The following UBE2H variants were observed in gnomAD, a reference collection of about 807,000 sequenced individuals.
UBE2H encodes ubiquitin conjugating enzyme E2 H.
Under a neutral mutation model 29.0 loss-of-function variants are expected in UBE2H, and 3 were observed. The observed-to-expected ratio is 0.10, with a 90% CI of 0.05 to 0.27. The LOEUF is 0.27. Ranked by LOEUF, UBE2H falls within the 10% of genes least tolerant of loss-of-function variation. The probability of loss-of-function intolerance (pLI) is 1.00; values close to 1 mark genes in which losing one functional copy is unlikely to be tolerated. For missense variants in UBE2H, 68 were observed against 228.2 expected, an observed-to-expected ratio of 0.30 and a Z score of 4.52; for synonymous variants, 69 against 82.9, an observed-to-expected ratio of 0.83 and a Z score of 0.91.
chr7:129,927,899 T>C (rs766149773), intron 1 of UBE2H, among the ~76,000 whole-genome samples: 1 of 151,886 alleles, frequency 6.6e-6, no homozygotes. Context: ...GTGACCATAA[T>C]TAACAATTTA....
At chr7:129,885,182 A>C (rs554428446) in intron 1 of UBE2H, among the ~76,000 whole-genome samples, 2 of 152,352 alleles carry the variant, frequency 1.3e-5, no homozygotes, top group Middle Eastern at 6.8e-3. Flanking sequence ...TTGGGTATCC[A>C]GAAGAAGTCA....
At chr7:129,868,825 C>T (rs1219704232) in intron 3 of UBE2H, among the ~76,000 whole-genome samples, 13 of 152,256 alleles carry the variant, frequency 8.5e-5, no homozygotes, top group Non-Finnish European at 1.5e-5. Flanking sequence ...GCTTCTCTCA[C>T]TGAGAACTTC....
chr7:129,882,038 T>G (rs1004470482), intron 1 of UBE2H, among the ~76,000 whole-genome samples: 3 of 152,196 alleles, frequency 2.0e-5, no homozygotes, highest in African/African-American at 7.2e-5. Flanking sequence ...GCCTCAAGGT[T>G]TGGTATGCTC....
chr7:129,944,354 TCAAAA>T (rs77887526), intron 1 of UBE2H, among the ~76,000 whole-genome samples: 9,487 of 152,072 alleles, frequency 0.062, 357 homozygotes, highest in Non-Finnish European at 0.092. Context: ...AGACTCCGTC[TCAAAA>T]CAAAACAAAA....
At chr7:129,870,190 C>T (rs923080680) in intron 3 of UBE2H, among the ~76,000 whole-genome samples, 5 of 152,180 alleles carry the variant, frequency 3.3e-5, no homozygotes, top group Admixed American at 6.5e-5. Flanking sequence ...GGTTCTGATC[C>T]TGCTCCCTCC....
At chr7:129,932,750 G>A (rs1185594512) in intron 1 of UBE2H, among the ~76,000 whole-genome samples, 1 of 144,120 alleles carries the variant, frequency 6.9e-6, no homozygotes, top group Admixed American at 7.4e-5. Context: ...CTCCAGCCTG[G>A]GCGACAGAGC....
At chr7:129,873,424 TC>T (rs368084734) in intron 3 of UBE2H, among the ~76,000 whole-genome samples, 7 of 137,210 alleles carry the variant, frequency 5.1e-5, no homozygotes, top group East Asian at 2.1e-4. Context: ...AACATCAAAT[TC>T]TTTTTTTTTT....
chr7:129,894,297 T>TA (rs1806557987), intron 1 of UBE2H, among the ~76,000 whole-genome samples: 1 of 151,640 alleles, frequency 6.6e-6, no homozygotes. Flanking sequence ...CTACAAAAAA[T>TA]AAAAAAATTA....
intron 1 of UBE2H, among the ~76,000 whole-genome samples, chr7:129,942,262 CGGTGGCT>C (rs1807662202): frequency 6.9e-6 from 1 of 143,972 alleles, no homozygotes; most frequent in Non-Finnish European, 1.5e-5. Flanking sequence ...AGGCTGGGCG[CGGTGGCT>C]CACACCTGTA....
intron 3 of UBE2H, among the ~76,000 whole-genome samples, chr7:129,872,695 T>A (rs967113741): frequency 6.6e-6 from 1 of 151,248 alleles, no homozygotes; most frequent in African/African-American, 2.4e-5. Flanking sequence ...ACACAAAAAT[T>A]AGCAGGGCAT....
chr7:129,847,082 A>G (rs1284876102), intron 5 of UBE2H, among the ~76,000 whole-genome samples: 2 of 151,652 alleles, frequency 1.3e-5, no homozygotes, highest in Admixed American at 6.6e-5. Flanking sequence ...GTCTCGCTCT[A>G]TCTCCCCAGG....
chr7:129,847,022 A>ATT (rs201431554), intron 5 of UBE2H, among the ~76,000 whole-genome samples: 2 of 143,956 alleles, frequency 1.4e-5, no homozygotes, highest in African/African-American at 2.6e-5. Flanking sequence ...TATTATTATT[A>ATT]TTATTATTAT....
rs374725872 is a variant in UBE2H at position 129,866,760 on chromosome 7, G to A, written c.206-7819C>T. Among the ~76,000 whole-genome samples, 44 of 152,310 alleles carry A rather than the reference G, an allele frequency of 2.9e-4. No individual in the cohort carries two copies. The South Asian group carries it at 7.3e-3, about 25-fold the overall frequency. ...CAATACATTTTTTAAAAAGGACCAG[G>A]CTCCAGTCAGAATGCCTAAATGCCA... On this transcript the variant is annotated intron_variant, in intron 3 of 6. Coordinates refer to ENST00000355621, the MANE Select transcript of UBE2H (RefSeq NM_003344.4).
Position 129,842,055 on chromosome 7 carries a change from T to C in UBE2H, c.299-2720A>G, listed in dbSNP as rs753161718. Among the ~76,000 whole-genome samples, 11 of 152,258 alleles carry C rather than the reference T, an allele frequency of 7.2e-5. 1 individual carries two copies. The highest frequency in any genetic ancestry group is 1.6e-4 in the Non-Finnish European group (11 of 68,044). ...GAATTACAACTATGTACAGTGTGTATGCATAAGACAAACATTTTAAAAAGC... is the reference window on the plus strand; with the variant it reads ...GAATTACAACTATGTACAGTGTGTACGCATAAGACAAACATTTTAAAAAGC... On this transcript the variant is annotated intron_variant, in intron 5 of 6. Coordinates refer to ENST00000355621, the MANE Select transcript of UBE2H (RefSeq NM_003344.4).
At chr7:129,919,513 T>A (rs1807113884) in intron 1 of UBE2H, among the ~76,000 whole-genome samples, 1 of 152,186 alleles carries the variant, frequency 6.6e-6, no homozygotes, top group African/African-American at 2.4e-5. Context: ...GTTTCTTGAA[T>A]AATGTGGTTT....
At chr7:129,850,298 T>C (rs1805586028) in intron 5 of UBE2H, among the ~76,000 whole-genome samples, 1 of 151,884 alleles carries the variant, frequency 6.6e-6, no homozygotes, top group Non-Finnish European at 1.5e-5. Context: ...GCCCAGAAGG[T>C]TGAGGCTGCA....
chr7:129,845,778 A>G (rs995851749), intron 5 of UBE2H, among the ~76,000 whole-genome samples: 1 of 152,244 alleles, frequency 6.6e-6, no homozygotes, highest in Non-Finnish European at 1.5e-5. Context: ...CAGGCTTTCC[A>G]CTGCCTTGCT....
chr7:129,863,803 T>G (rs995248261), intron 3 of UBE2H, among the ~76,000 whole-genome samples: 3 of 145,860 alleles, frequency 2.1e-5, no homozygotes, highest in African/African-American at 7.6e-5. Flanking sequence ...CTTCCAATAC[T>G]AGGTGTTTTT....
intron 1 of UBE2H, among the ~76,000 whole-genome samples, chr7:129,925,830 G>A (rs929533344): frequency 1.3e-5 from 2 of 152,160 alleles, no homozygotes; most frequent in African/African-American, 4.8e-5. Flanking sequence ...GAAGAGGGCT[G>A]GGAATACACA....
Sources: allele counts gnomAD v4.1 joint callset (sites outside exome capture counted in the v4.1 genomes callset), GRCh38; gene constraint gnomAD v4.1.1; transcripts MANE v1.5; gene names NCBI Gene and HGNC (gene_info 2026-07-23, HGNC 2026-07-21).